Variants in ARHGAP32 observed in about 807,000 individuals in gnomAD.
The protein encoded by ARHGAP32 is Rho GTPase activating protein 32.
In ARHGAP32, 51 loss-of-function variants were observed where a neutral mutation model predicts 186.5. The ratio of observed to expected loss-of-function variants is 0.27; its 90% CI spans 0.22 to 0.35. The LOEUF (loss-of-function observed/expected upper bound fraction) is 0.35. Ranked by LOEUF, ARHGAP32 falls within the 10% of genes least tolerant of loss-of-function variation. ARHGAP32 has a pLI of 1.00. For synonymous variants in ARHGAP32, 950 were observed against 964.3 expected (o/e 0.99, Z 0.27); for missense variants, 2,186 against 2,623.5 (o/e 0.83, Z 3.64).
At chr11:129,191,406 C>T (rs1313909662) in intron 1 of ARHGAP32, among the ~76,000 whole-genome samples, 3 of 151,954 alleles carry the variant, frequency 2.0e-5, no homozygotes, top group African/African-American at 7.2e-5. Flanking sequence ...TCTGTTTTCA[C>T]AAACTGGTTA....
intron 11 of ARHGAP32, among the ~76,000 whole-genome samples, chr11:129,000,949 T>C (rs1476129446): frequency 6.6e-6 from 1 of 152,220 alleles, no homozygotes; most frequent in Non-Finnish European, 1.5e-5. Flanking sequence ...TTGTTGCAAA[T>C]GACTGAATCT....
At chr11:129,124,164 C>T (rs1171270842) in intron 3 of ARHGAP32, among the ~76,000 whole-genome samples, 9 of 152,050 alleles carry the variant, frequency 5.9e-5, no homozygotes, top group Non-Finnish European at 7.4e-5. Context: ...GGGGCTGGGA[C>T]CCAAGTCTAA....
intron 1 of ARHGAP32, among the ~76,000 whole-genome samples, chr11:129,256,811 T>C (rs4372462): frequency 0.3 from 45,429 of 152,042 alleles, 7,122 homozygotes; most frequent in Middle Eastern, 0.4. Flanking sequence ...GGGCTTTATT[T>C]TCCTCACGAA....
chr11:129,139,206 A>C (rs1319688939), intron 2 of ARHGAP32, among the ~76,000 whole-genome samples: 1 of 152,128 alleles, frequency 6.6e-6, no homozygotes, highest in East Asian at 1.9e-4. Context: ...CCTATAAAAT[A>C]ATAGTAAAAA....
At chr11:129,115,245 G>GAA (rs1942333506) in intron 5 of ARHGAP32, among the ~76,000 whole-genome samples, 1 of 151,994 alleles carries the variant, frequency 6.6e-6, no homozygotes, top group African/African-American at 2.4e-5. Flanking sequence ...TAAAACTACT[G>GAA]AGTTCAGGAC....
chr11:129,180,485 T>A lies in ARHGAP32; in HGVS notation c.116+11598A>T, dbSNP rs538286859. ...TTTATGATTTGTAGACTTTATTATATGTGTTATACCTCAAAGTGTAAAAGT... is the reference window on the plus strand; with the variant it reads ...TTTATGATTTGTAGACTTTATTATAAGTGTTATACCTCAAAGTGTAAAAGT... On this transcript the variant is annotated intron_variant, in intron 1 of 22. Coordinates refer to ENST00000682385, the MANE Select transcript of ARHGAP32 (RefSeq NM_001378024.1). Among the ~76,000 whole-genome samples the A allele has an allele frequency of 2.6e-5, 4 of 152,262 alleles. No individual in the cohort carries two copies. The South Asian group carries it at 6.2e-4, about 24-fold the overall frequency.
chr11:129,254,903 T>G (rs1945233080), intron 1 of ARHGAP32, among the ~76,000 whole-genome samples: 1 of 152,156 alleles, frequency 6.6e-6, no homozygotes, highest in Non-Finnish European at 1.5e-5. Flanking sequence ...TTCTGTTCAC[T>G]CAATAAATCT....
At chr11:128,999,681 C>T (rs1455689921) in intron 11 of ARHGAP32, among the ~76,000 whole-genome samples, 2 of 152,154 alleles carry the variant, frequency 1.3e-5, no homozygotes, top group Non-Finnish European at 2.9e-5. Context: ...ATTTCTTAGA[C>T]CAGCCGACAC....
At position 128,980,620 on chromosome 11, in the gene ARHGAP32, C is replaced by T. The variant is rs370678108; in HGVS notation, c.1909G>A (p.Glu637Lys). The T allele has an allele frequency of 9.9e-6, 16 of 1,613,832 alleles. No individual in the cohort carries two copies. The South Asian group carries it at 1.2e-4, about 12-fold the overall frequency. Residue 637 changes from glutamate (E) to lysine (K), a missense_variant, in exon 18 of 23, where the codon GAA becomes AAA. Coordinates refer to ENST00000682385, the MANE Select transcript of ARHGAP32 (RefSeq NM_001378024.1). Reference sequence around the variant, plus strand: ...AGTGCAGCAGGTCCTTCTCCTACTTCGATATATTTATTTTCCGTCACAATT... The same window carrying T: ...AGTGCAGCAGGTCCTTCTCCTACTTTGATATATTTATTTTCCGTCACAATT... ...SPIVTENKYI[E>K]VGEGPAALQG...
intron 1 of ARHGAP32, among the ~76,000 whole-genome samples, chr11:129,179,401 C>A (rs1280735246): frequency 6.6e-6 from 1 of 152,164 alleles, no homozygotes; most frequent in Non-Finnish European, 1.5e-5. Flanking sequence ...CCTCAGGGAT[C>A]TAGAACTAGA....
intron 12 of ARHGAP32, among the ~76,000 whole-genome samples, chr11:128,990,619 A>T (rs574945155): frequency 6.6e-6 from 1 of 152,218 alleles, no homozygotes; most frequent in African/African-American, 2.4e-5. Flanking sequence ...ATTGCTGGGT[A>T]CTTCTTGTGG....
At chr11:129,142,089 G>T (rs1222516593) in intron 2 of ARHGAP32, among the ~76,000 whole-genome samples, 1 of 149,628 alleles carries the variant, frequency 6.7e-6, no homozygotes, top group East Asian at 1.9e-4. Context: ...TAGTAAAAAA[G>T]ATTTTTTTGT....
chr11:129,110,489 A>G (rs185662899), intron 5 of ARHGAP32, among the ~76,000 whole-genome samples: 1 of 152,250 alleles, frequency 6.6e-6, no homozygotes, highest in Non-Finnish European at 1.5e-5. Context: ...TGGCATTGGT[A>G]TTTTCATAGA....
At chr11:129,029,527 G>C (rs1939005302) in intron 11 of ARHGAP32, among the ~76,000 whole-genome samples, 1 of 152,118 alleles carries the variant, frequency 6.6e-6, no homozygotes, top group South Asian at 2.1e-4. Context: ...GTAGGGGCCG[G>C]GCACGGTGGC....
In ARHGAP32 at chr11:128,968,942, AG is replaced by A; in HGVS notation, c.6270del (p.Leu2091CysfsTer17). ...GQGAFLPAEL[S>X]LQHPETQIHA... is the part of the protein sequence containing the mutation. ...TGGATCTGTGTTTCAGGATGCTGCAAGGACAACTCTGCGGGCAGGAAGGCCC... is the reference window on the plus strand; with the variant it reads ...TGGATCTGTGTTTCAGGATGCTGCAAGACAACTCTGCGGGCAGGAAGGCCC... On this transcript the variant is annotated frameshift_variant, in exon 23 of 23. Transcript: ENST00000682385. LOFTEE classifies it high-confidence loss of function. The A allele has an allele frequency of 6.4e-7, 1 of 1,551,190 alleles. No individual in the cohort carries two copies. Among genetic ancestry groups the A allele is most frequent in the Non-Finnish European group, 8.7e-7 (1 of 1,144,228 alleles).
intron 12 of ARHGAP32, 74 bp downstream of exon 12, chr11:128,998,245 C>G (rs1214939014): frequency 8.0e-7 from 1 of 1,254,050 alleles, no homozygotes; most frequent in Non-Finnish European, 1.1e-6. Context: ...TAAATCTACT[C>G]CATAATTGGT....
rs1940822790 is a variant in ARHGAP32, at chr11:129,070,075, A to T, written c.532-3207T>A. 1.3e-5 allele frequency among the ~76,000 whole-genome samples: 2 copies of T among 152,068 alleles called. 1 individual carries two copies. The highest frequency in any genetic ancestry group is 4.1e-4 in the South Asian group (2 of 4,826). ...AACAGAGGGAAGAAAGAAGAAAAAGAGAAAGAATGAGAACAGCAGCCAGTA... is the reference window on the plus strand; with the variant it reads ...AACAGAGGGAAGAAAGAAGAAAAAGTGAAAGAATGAGAACAGCAGCCAGTA... On this transcript the variant is annotated intron_variant, in intron 6 of 22. Transcript: ENST00000682385.
chr11:129,007,961 C>T (rs887099311), intron 11 of ARHGAP32, among the ~76,000 whole-genome samples: 9 of 152,138 alleles, frequency 5.9e-5, no homozygotes, highest in Admixed American at 2.0e-4. Context: ...TAGGCATCAC[C>T]TAAGTTCAAG....
At chr11:129,167,757 A>T (rs987693913) in intron 1 of ARHGAP32, among the ~76,000 whole-genome samples, 2 of 152,100 alleles carry the variant, frequency 1.3e-5, no homozygotes, top group African/African-American at 4.8e-5. Flanking sequence ...GAGGGATTTC[A>T]GGTGAGGGAT....
Sources: allele counts gnomAD v4.1 joint callset (sites outside exome capture counted in the v4.1 genomes callset), GRCh38; gene constraint gnomAD v4.1.1; transcripts MANE v1.5; gene names NCBI Gene and HGNC (gene_info 2026-07-23, HGNC 2026-07-21).